TTC39C: variants seen among roughly 807,000 people sequenced by gnomAD.
The protein encoded by TTC39C is tetratricopeptide repeat protein 39C.
A neutral mutation model predicts 76.3 loss-of-function variants in TTC39C; 33 were observed. The ratio of observed to expected loss-of-function variants is 0.43; its 90% confidence interval spans 0.33 to 0.58. The LOEUF (loss-of-function observed/expected upper bound fraction) is 0.58, where lower values mean the gene tolerates loss of function less well. Ranked by LOEUF, TTC39C falls within the 20% of genes least tolerant of loss-of-function variation. The pLI is 0.04. For synonymous variants in TTC39C, 254 were observed against 260.6 expected (o/e 0.97, Z 0.24); for missense variants, 595 against 701.4 (o/e 0.85, Z 1.71).
intron 7 of TTC39C, among the ~76,000 whole-genome samples, chr18:24,115,495 G>C (rs534861897): frequency 6.6e-6 from 1 of 152,288 alleles, no homozygotes; most frequent in South Asian, 2.1e-4. Context: ...CACATAAAAA[G>C]GAATGACAGA....
intron 6 of TTC39C, chr18:24,114,284 A>G (rs1035421175): frequency 2.6e-5 from 9 of 348,032 alleles, no homozygotes; most frequent in African/African-American, 4.4e-5. Flanking sequence ...AGCCCTTAAC[A>G]CCTGAGCAAA....
intron 3 of TTC39C, among the ~76,000 whole-genome samples, chr18:24,068,159 T>C (rs989613190): frequency 1.3e-5 from 2 of 152,218 alleles, no homozygotes; most frequent in African/African-American, 4.8e-5. Flanking sequence ...ATAATTAAGA[T>C]TTGTAATGAG....
intron 6 of TTC39C, among the ~76,000 whole-genome samples, chr18:24,095,373 G>A (rs1003862308): frequency 6.6e-6 from 1 of 152,204 alleles, no homozygotes; most frequent in African/African-American, 2.4e-5. Context: ...TATCATTCAT[G>A]TGTTCACTGG....
At position 24,019,211 on chromosome 18, in the gene TTC39C, C is replaced by G. The variant is rs139211920; in HGVS notation, c.167+4173C>G. Among the ~76,000 whole-genome samples the G allele has an allele frequency of 3.3e-5, 5 of 152,254 alleles. No homozygotes were observed. In the East Asian group the frequency reaches 9.6e-4, roughly 29 times the overall value. ...TTCTGCTGCCCTGATGCTGAGCCTC[C>G]CTCCTCCCCTCTTGAGGTTACCAGC... On this transcript the variant is annotated intron_variant, in intron 1 of 13. Coordinates refer to ENST00000317571, the MANE Select transcript of TTC39C (RefSeq NM_001135993.2).
chr18:24,015,339 G>A (rs1473573586), intron 1 of TTC39C: 1 of 264,764 alleles, frequency 3.8e-6, no homozygotes, highest in Non-Finnish European at 7.1e-6. Context: ...GACGTGCCCG[G>A]TGCCGGTAGG....
intron 6 of TTC39C, among the ~76,000 whole-genome samples, chr18:24,101,246 C>T (rs1348628697): frequency 2.0e-5 from 3 of 149,564 alleles, no homozygotes; most frequent in Non-Finnish European, 4.4e-5. Context: ...GTAATAAAAT[C>T]TTCAAAACTA....
chr18:23,998,602 T>C (rs1049710492), intron 1 of TTC39C, among the ~76,000 whole-genome samples: 29 of 152,218 alleles, frequency 1.9e-4, no homozygotes, highest in African/African-American at 7.0e-4. Context: ...AGAGCAAGAC[T>C]CTGTCTCAAA....
rs2084176735 is a variant in TTC39C, at chr18:24,067,179, A to C, written c.345+1039A>C. Among the ~76,000 whole-genome samples the C allele has an allele frequency of 2.0e-5, 3 of 152,246 alleles. No individual in the cohort carries two copies. In the South Asian group the frequency reaches 6.2e-4, roughly 31 times the overall value. On this transcript the variant is annotated intron_variant, in intron 3 of 13. Transcript: ENST00000317571. ...TTGTACTAAGAATGCAGAATGTTCT[A>C]TTCTGGAGTGTTCTATTCTTCATTT...
At chr18:24,124,631 G>C (rs2085023483) in intron 9 of TTC39C, among the ~76,000 whole-genome samples, 1 of 152,096 alleles carries the variant, frequency 6.6e-6, no homozygotes, top group South Asian at 2.1e-4. Flanking sequence ...AGTTATTTTA[G>C]TTTTATATGT....
intron 1 of TTC39C, among the ~76,000 whole-genome samples, chr18:24,060,212 C>G (rs1270242960): frequency 6.6e-6 from 1 of 152,068 alleles, no homozygotes; most frequent in Non-Finnish European, 1.5e-5. Context: ...GTTCCTTTTT[C>G]TCCACAACCT....
At position 24,032,462 on chromosome 18, in the gene TTC39C, A is replaced by AT. The variant is rs370394150; in HGVS notation, c.167+17430dup. ...GGACCGGAAATGTGTTGGATTTCAGATTTTTTCAGATTTTGGAATATTTGC... is the reference window on the plus strand; with the variant it reads ...GGACCGGAAATGTGTTGGATTTCAGATTTTTTTCAGATTTTGGAATATTTGC... On this transcript the variant is annotated intron_variant, in intron 1 of 13. Transcript: ENST00000317571. Among the ~76,000 whole-genome samples, 448 of 152,172 alleles carry AT rather than the reference A, an allele frequency of 2.9e-3. 1 individual carries two copies. The highest frequency in any genetic ancestry group is 0.01 in the African/African-American group (430 of 41,504).
intron 1 of TTC39C, among the ~76,000 whole-genome samples, chr18:24,005,180 T>G (rs569442263): frequency 6.6e-6 from 1 of 152,350 alleles, no homozygotes; most frequent in East Asian, 1.9e-4. Context: ...CTGTAACCAT[T>G]ACCTGCTTCA....
Position 24,083,049 on chromosome 18 carries a change from A to G in TTC39C, c.952A>G (p.Met318Val), listed in dbSNP as rs1433392988. 3 of 1,614,038 alleles carry G rather than the reference A, an allele frequency of 1.9e-6. No homozygotes were observed. Among genetic ancestry groups the G allele is most frequent in the African/African-American group, 2.7e-5 (2 of 75,026 alleles). Residue 318 changes from methionine (M) to valine (V), a missense_variant, in exon 6 of 14, where the codon ATG becomes GTG. By Grantham distance (21) the Met-to-Val change is conservative (BLOSUM62 1). Coordinates refer to ENST00000317571, the MANE Select transcript of TTC39C (RefSeq NM_001135993.2). ...TGCTTATCCAAATTCTTCCCTCTTTATGTTTTTCAAGGGACGGATACAACG... is the reference window on the plus strand; with the variant it reads ...TGCTTATCCAAATTCTTCCCTCTTTGTGTTTTTCAAGGGACGGATACAACG... ...EAAYPNSSLF[M>V]FFKGRIQRLE...
intron 6 of TTC39C, among the ~76,000 whole-genome samples, chr18:24,113,004 A>T (rs2084835484): frequency 6.6e-6 from 1 of 152,042 alleles, no homozygotes; most frequent in African/African-American, 2.4e-5. Context: ...GTGTGCTAAC[A>T]GTCAGTGTCA....
At chr18:24,105,926 G>A (rs1237901947) in intron 6 of TTC39C, among the ~76,000 whole-genome samples, 6 of 152,124 alleles carry the variant, frequency 3.9e-5, no homozygotes, top group African/African-American at 9.7e-5. Context: ...TGGCTTCTGC[G>A]GCTTGCTGGC....
chr18:24,129,377 A>AT (rs2085093553), intron 11 of TTC39C, among the ~76,000 whole-genome samples: 1 of 152,202 alleles, frequency 6.6e-6, no homozygotes, highest in Non-Finnish European at 1.5e-5. Context: ...ACTGTGGATT[A>AT]TTGATGCAGC....
chr18:24,026,645 T>C (rs2083603482), intron 1 of TTC39C, among the ~76,000 whole-genome samples: 1 of 152,142 alleles, frequency 6.6e-6, no homozygotes, highest in South Asian at 2.1e-4. Flanking sequence ...ATAACACTCC[T>C]TTTGGGTGGG....
chr18:24,099,047 C>A (rs1378626044), intron 6 of TTC39C, among the ~76,000 whole-genome samples: 3 of 57,986 alleles, frequency 5.2e-5, no homozygotes, highest in Admixed American at 3.2e-4. Context: ...ATATATATAT[C>A]TATACACGTA....
At chr18:24,114,780 C>T (rs1165676735) in intron 7 of TTC39C, 133 bp downstream of exon 7, 7 of 611,298 alleles carry the variant, frequency 1.1e-5, no homozygotes, top group East Asian at 2.9e-5. Flanking sequence ...CAGTTATTCC[C>T]GTAGCACATG....
Sources: allele counts gnomAD v4.1 joint callset (sites outside exome capture counted in the v4.1 genomes callset), GRCh38; gene constraint gnomAD v4.1.1; transcripts MANE v1.5; gene names NCBI Gene and HGNC (gene_info 2026-07-23, HGNC 2026-07-21).